The following PRDM8 variants were observed in gnomAD, a reference collection of about 807,000 sequenced individuals.
The protein encoded by PRDM8 is PR/SET domain 8.
PRDM8 carries 13 observed loss-of-function variants against 46.5 expected under a neutral mutation model. That is an observed-to-expected ratio of 0.28 (90% CI 0.18 to 0.44). PRDM8 has a LOEUF of 0.44. Ranked by LOEUF, PRDM8 falls within the 20% of genes least tolerant of loss-of-function variation. The pLI is 1.00. For missense variants in PRDM8, 998 were observed against 955.0 expected, an observed-to-expected ratio of 1.04 and a Z score of -0.59; for synonymous variants, 473 against 438.4, an observed-to-expected ratio of 1.08 and a Z score of -0.98.
rs1365848649 is a variant in PRDM8 at position 80,202,920 on chromosome 4, G to C, written c.1458G>C (p.Ala486=). Residue 486 remains alanine, a synonymous_variant, in exon 4 of 4, where the codon GCG becomes GCC. Transcript: ENST00000415738. ...GGTGAGAAGG[A]GGGQGAASDE... ...CGGGCGCCGGGGCCGCAGGCGGCGC[G>C]GGCGGGGGCCAGGGCGCCGCGTCGG... 2 of 1,359,258 alleles carry C rather than the reference G, an allele frequency of 1.5e-6. No individual in the cohort carries two copies. Among genetic ancestry groups the C allele is most frequent in the Non-Finnish European group, 1.9e-6 (2 of 1,066,732 alleles). 84.2% of individuals were successfully genotyped at this position (1,359,258 alleles called of 1,614,324 possible).
Position 80,198,980 on chromosome 4 carries a change from G to GTTT in PRDM8, c.-2-1088_-2-1086dup, listed in dbSNP as rs1413112507. On this transcript the variant is annotated intron_variant, in intron 1 of 3. Coordinates refer to ENST00000415738, the MANE Select transcript of PRDM8 (RefSeq NM_001099403.2). ...AATTTAAATACCTGGGTTTTTTTGG[G>GTTT]TTTTTTTTTTTTTGTTTTTTTTTTT... 3.6e-4 allele frequency among the ~76,000 whole-genome samples: 38 copies of GTTT among 104,222 alleles called. 4 individuals are homozygous for GTTT. Among genetic ancestry groups the GTTT allele is most frequent in the African/African-American group, 1.1e-3 (31 of 28,788 alleles). The allele number at this position is 104,222 out of a possible 152,430, so 68.4% of individuals were successfully genotyped here.
At chr4:80,200,357 C>A in intron 2 of PRDM8, 58 bp downstream of exon 2, 1 of 1,440,722 alleles carries the variant, frequency 6.9e-7, no homozygotes, top group Non-Finnish European at 9.7e-7. Flanking sequence ...TGGAAATGGA[C>A]TAAAAATAAT....
At chr4:80,201,873 TGTGCGTGC>T (rs200207619) in intron 3 of PRDM8, 33 bp from the exon 4 acceptor site, 5 of 1,604,110 alleles carry the variant, frequency 3.1e-6, no homozygotes, top group Non-Finnish European at 3.4e-6. Flanking sequence ...TGTGTGTGTG[TGTGCGTGC>T]GTGCGTGTGT....
At chr4:80,197,403 C>G, upstream of PRDM8, 1 of 980,636 alleles carries the variant, frequency 1.0e-6, no homozygotes, top group African/African-American at 1.7e-5. Context: ...GGAGGGAGCG[C>G]CTGGCCCAGC....
chr4:80,197,795 A>G (rs1336350745), intron 1 of PRDM8, 32 bp downstream of exon 1: 2 of 983,864 alleles, frequency 2.0e-6, no homozygotes, highest in African/African-American at 3.5e-5. Flanking sequence ...TGGGAGGGGG[A>G]TGGGAGGAAG....
At chr4:80,198,979 G>GTTTTTTTTT (rs1738184321) in intron 1 of PRDM8, among the ~76,000 whole-genome samples, 8 of 113,518 alleles carry the variant, frequency 7.0e-5, no homozygotes, top group East Asian at 8.9e-4. Context: ...GGTTTTTTTG[G>GTTTTTTTTT]GTTTTTTTTT....
chr4:80,186,430 G>GAGAGAGAGAGAGA (rs1553902894), intron 1 of PRDM8, among the ~76,000 whole-genome samples: 1 of 129,920 alleles, frequency 7.7e-6, no homozygotes, highest in Non-Finnish European at 1.6e-5. Context: ...AAGGCAGGGT[G>GAGAGAGAGAGAGA]GAGAGAGAGA....
intron 1 of PRDM8, 40 bp downstream of exon 1, chr4:80,197,803 A>G (rs1738078452): frequency 1.0e-6 from 1 of 982,184 alleles, no homozygotes; most frequent in African/African-American, 1.8e-5. Flanking sequence ...GGATGGGAGG[A>G]AGACAGTTTG....
Position 80,202,147 on chromosome 4 carries a change from A to G in PRDM8, c.685A>G (p.Lys229Glu). 1 of 1,609,872 alleles carries G rather than the reference A, an allele frequency of 6.2e-7. No individual in the cohort carries two copies. Among genetic ancestry groups the G allele is most frequent in the Non-Finnish European group, 8.5e-7 (1 of 1,179,050 alleles). The change falls in exon 4 of 4, where the codon AAA (lysine) becomes GAA (glutamate). Residue 229 changes from lysine to glutamate, a missense_variant. Lys to Glu is a moderately conservative substitution (Grantham distance 56). Transcript: ENST00000415738. ...TTTAGGCCCGGGTCCCAAGTTTTGC[A>G]AAGCCGGCCCCCTCCACCACTACCC... is the stretch of plus-strand genomic sequence containing the variant. The part of the protein sequence containing the change: ...APLGPGPKFC[K>E]AGPLHHYPSP...
At chr4:80,200,414 A>C in intron 2 of PRDM8, 115 bp downstream of exon 2, 1 of 874,938 alleles carries the variant, frequency 1.1e-6, no homozygotes, top group Non-Finnish European at 1.8e-6. Flanking sequence ...AAATGCAATA[A>C]TGCAAGCAAT....
intron 1 of PRDM8, among the ~76,000 whole-genome samples, chr4:80,186,101 G>GCACTA (rs1405136629): frequency 6.6e-6 from 1 of 152,192 alleles, no homozygotes; most frequent in Non-Finnish European, 1.5e-5. Flanking sequence ...ACTTCTCACT[G>GCACTA]CACTAGGTGG....
chr4:80,186,456 A>AGAGAGAGAGAGAGAGAGAGAGAGAG (rs1553902893), intron 1 of PRDM8, among the ~76,000 whole-genome samples: 2 of 148,754 alleles, frequency 1.3e-5, no homozygotes, highest in Admixed American at 6.7e-5. Context: ...AGAGAGAGAG[A>AGAGAGAGAGAGAGAGAGAGAGAGAG]TTGATTGTCA....
chr4:80,190,643 A>C (rs937882461), intron 1 of PRDM8, among the ~76,000 whole-genome samples: 4 of 152,064 alleles, frequency 2.6e-5, no homozygotes, highest in Admixed American at 6.5e-5. Flanking sequence ...CCTTCTCTGC[A>C]CTCTTAGTTC....
At chr4:80,195,918 C>CAGAGAG, upstream of PRDM8, 1 of 183,880 alleles carries the variant, frequency 5.4e-6, no homozygotes, top group Middle Eastern at 2.5e-3. Context: ...CACACACACA[C>CAGAGAG]ACACACACAC....
Position 80,203,529 on chromosome 4 carries a change from T to C in PRDM8, c.2067T>C (p.Asn689=). The C allele has an allele frequency of 6.2e-7, 1 of 1,607,352 alleles. No individual in the cohort carries two copies. The highest frequency in any genetic ancestry group is 8.5e-7 in the Non-Finnish European group (1 of 1,176,130). Reference sequence around the variant, plus strand: ...TCTCCAGGCACATGACCTCGCATAATTGACTCGGAAAGGACCCCAGCTTTC... The same window carrying C: ...TCTCCAGGCACATGACCTCGCATAACTGACTCGGAAAGGACCCCAGCTTTC... ...HHLSRHMTSH[N] Residue 689 remains asparagine, a synonymous_variant, in exon 4 of 4, where the codon AAT becomes AAC. Transcript: ENST00000415738.
In PRDM8 at chr4:80,203,689, A is replaced by T. The variant is rs1738767188; in HGVS notation, c.*157A>T. On this transcript the variant is annotated 3_prime_UTR_variant, in exon 4 of 4. Coordinates refer to ENST00000415738, the MANE Select transcript of PRDM8 (RefSeq NM_001099403.2). Reference sequence around the variant, plus strand: ...CCCCGCCCCCCCAACGCGCACACACACGTCCTCTCCTCCCAGGAACCTCAT... The same window carrying T: ...CCCCGCCCCCCCAACGCGCACACACTCGTCCTCTCCTCCCAGGAACCTCAT... 3.6e-6 allele frequency: 4 copies of T among 1,104,396 alleles called. No individual in the cohort carries two copies. The allele number at this position is 1,104,396 out of a possible 1,614,324, so 68.4% of individuals were successfully genotyped here.
Position 80,201,901 on chromosome 4 carries a change from G to A in PRDM8, c.452-13G>A, listed in dbSNP as rs756953367. On this transcript the variant is annotated splice_polypyrimidine_tract_variant and intron_variant, in intron 3 of 3. Transcript: ENST00000415738. ...GCGTGCGTGCGTGTGTGTGGTGTTTGCTCACTAAGCAGGGTCGTCCCCTTA... is the reference window on the plus strand; with the variant it reads ...GCGTGCGTGCGTGTGTGTGGTGTTTACTCACTAAGCAGGGTCGTCCCCTTA... 1.9e-6 allele frequency: 3 copies of A among 1,613,408 alleles called. No homozygotes were observed. Among genetic ancestry groups the A allele is most frequent in the Non-Finnish European group, 2.5e-6 (3 of 1,179,896 alleles).
At chr4:80,196,704 C>G, upstream of PRDM8, 2 of 919,872 alleles carry the variant, frequency 2.2e-6, no homozygotes, top group Non-Finnish European at 2.6e-6. Flanking sequence ...CAGAACGCAC[C>G]AAGCAGAGGG....
At position 80,197,754 on chromosome 4, in the gene PRDM8, C is replaced by A; in HGVS notation, c.-12C>A. ...CTTATTTGGGAGATTCTATACTGAC[C>A]TTATTCCTGGTAAGTCTATTTGCAT... On this transcript the variant is annotated 5_prime_UTR_variant, in exon 1 of 4. Coordinates refer to ENST00000415738, the MANE Select transcript of PRDM8 (RefSeq NM_001099403.2). The A allele has an allele frequency of 1.0e-6, 1 of 985,274 alleles. No individual in the cohort carries two copies. Among genetic ancestry groups the A allele is most frequent in the Non-Finnish European group, 1.2e-6 (1 of 829,448 alleles). The allele number at this position is 985,274 out of a possible 1,614,324, so 61.0% of individuals were successfully genotyped here.
Sources: gnomAD v4.1 joint callset for allele counts (sites outside exome capture counted in the v4.1 genomes callset) on GRCh38, gnomAD v4.1.1 for gene constraint, MANE v1.5 for transcripts, NCBI Gene and HGNC (gene_info 2026-07-23, HGNC 2026-07-21) for gene names.